PELI1: variants seen among roughly 807,000 people sequenced by gnomAD.
PELI1 encodes the protein pellino E3 ubiquitin protein ligase 1.
PELI1 carries 15 observed loss-of-function variants against 41.3 expected under a neutral mutation model. The ratio of observed to expected loss-of-function variants is 0.36; its 90% CI spans 0.24 to 0.56. The LOEUF is 0.56. PELI1 is among the 20% of genes least tolerant of loss of function. The pLI is 0.82. For synonymous variants in PELI1, 178 were observed against 180.1 expected, an observed-to-expected ratio of 0.99 and a Z score of 0.09; for missense variants, 403 against 525.5, an observed-to-expected ratio of 0.77 and a Z score of 2.28.
At chr2:64,116,963 T>C (rs1425820651) in intron 1 of PELI1, among the ~76,000 whole-genome samples, 1 of 152,216 alleles carries the variant, frequency 6.6e-6, no homozygotes, top group African/African-American at 2.4e-5. Context: ...ATCAGTGATC[T>C]TTGATGTTAC....
At chr2:64,099,624 T>C (rs1011558978) in intron 4 of PELI1, among the ~76,000 whole-genome samples, 3 of 152,214 alleles carry the variant, frequency 2.0e-5, no homozygotes, top group African/African-American at 7.2e-5. Flanking sequence ...TTTTCACTTT[T>C]ATTTGCCTTG....
At chr2:64,113,202 T>C (rs1340083739) in intron 1 of PELI1, among the ~76,000 whole-genome samples, 5 of 151,428 alleles carry the variant, frequency 3.3e-5, no homozygotes, top group Non-Finnish European at 7.4e-5. Context: ...CTCAGAAAGC[T>C]GAGGTGGGAG....
At chr2:64,143,819 T>G (rs1407356082) in intron 1 of PELI1, among the ~76,000 whole-genome samples, 1 of 151,286 alleles carries the variant, frequency 6.6e-6, no homozygotes, top group East Asian at 2.0e-4. Flanking sequence ...GGGCTCGGAG[T>G]TGGCCGCCGC....
At chr2:64,100,337 C>T in intron 4 of PELI1, 61 bp downstream of exon 4, 1 of 838,202 alleles carries the variant, frequency 1.2e-6, no homozygotes. Flanking sequence ...GCAAAAGTCA[C>T]CAACAATAGA....
chr2:64,094,992 T>C lies in PELI1; in HGVS notation c.967A>G (p.Lys323Glu), dbSNP rs138154902. The change falls in exon 7 of 7, where the codon AAA becomes GAA. Residue 323 changes from lysine (K) to glutamate (E), a missense_variant. Lys to Glu is a moderately conservative substitution (Grantham distance 56). Transcript: ENST00000358912. Reference protein sequence around the residue: ...HVHGYHNWGNKEERDGKDREC... With the variant: ...HVHGYHNWGNEEERDGKDREC... Reference sequence around the variant, plus strand: ...CGATCTTTTCCATCACGTTCTTCTTTGTTTCCCCAGTTATGATAGCCATGT... The same window carrying C: ...CGATCTTTTCCATCACGTTCTTCTTCGTTTCCCCAGTTATGATAGCCATGT... The C allele has an allele frequency of 6.2e-7, 1 of 1,614,166 alleles. No homozygotes were observed. Among genetic ancestry groups the C allele is most frequent in the Non-Finnish European group, 8.5e-7 (1 of 1,179,978 alleles).
At chr2:64,136,714 C>T (rs550950563) in intron 1 of PELI1, among the ~76,000 whole-genome samples, 12 of 152,124 alleles carry the variant, frequency 7.9e-5, no homozygotes, top group Non-Finnish European at 1.6e-4. Context: ...CCCATCCTTG[C>T]CAACATGGTG....
chr2:64,137,458 T>C (rs1681753381), intron 1 of PELI1, among the ~76,000 whole-genome samples: 1 of 152,146 alleles, frequency 6.6e-6, no homozygotes, highest in Non-Finnish European at 1.5e-5. Flanking sequence ...TGATACTTAG[T>C]ATTAAGAATT....
Position 64,096,614 on chromosome 2 carries a change from AGGG to A in PELI1, c.304-7_304-5del. The stretch of plus-strand genomic sequence containing the variant: ...GGCTTTCAGTCGACCGGCCAATCTG[AGGG>A]AAAAAAAAAAATACCTATAAACCCA... On this transcript the variant is annotated splice_polypyrimidine_tract_variant and splice_region_variant and intron_variant, in intron 4 of 6. Coordinates refer to ENST00000358912, the MANE Select transcript of PELI1 (RefSeq NM_020651.4). 6.3e-7 allele frequency: 1 copy of A among 1,595,316 alleles called. No homozygotes were observed. The highest frequency in any genetic ancestry group is 1.4e-5 in the African/African-American group (1 of 73,594).
Position 64,096,210 on chromosome 2 carries a change from T to C in PELI1, c.605A>G (p.Lys202Arg). 1.2e-6 allele frequency: 2 copies of C among 1,613,980 alleles called. No homozygotes were observed. The highest frequency in any genetic ancestry group is 1.1e-5 in the South Asian group (1 of 91,078). Residue 202 changes from lysine (K) to arginine (R), a missense_variant, in exon 6 of 7, where the codon AAG (lysine) becomes AGG (arginine). Lys to Arg is a conservative substitution (Grantham distance 26). Coordinates refer to ENST00000358912, the MANE Select transcript of PELI1 (RefSeq NM_020651.4). ...CGATATTTCTCTCCATATTCCAGGCTTGGAGTCTTCTGTGAACCCATTGCG... is the reference window on the plus strand; with the variant it reads ...CGATATTTCTCTCCATATTCCAGGCCTGGAGTCTTCTGTGAACCCATTGCG... The part of the protein sequence containing the change: ...HPRNGFTEDS[K>R]PGIWREISVC...
chr2:64,129,550 A>C (rs1290167971), intron 1 of PELI1, among the ~76,000 whole-genome samples: 2 of 152,170 alleles, frequency 1.3e-5, no homozygotes, highest in African/African-American at 2.4e-5. Context: ...CCTTTTCAAA[A>C]AGAGGACTTT....
intron 1 of PELI1, among the ~76,000 whole-genome samples, chr2:64,124,347 C>A (rs565244742): frequency 6.6e-6 from 1 of 151,990 alleles, no homozygotes; most frequent in African/African-American, 2.4e-5. Flanking sequence ...GCAAATAAAG[C>A]TCTAGCACAT....
intron 1 of PELI1, among the ~76,000 whole-genome samples, chr2:64,123,556 A>C (rs1450039943): frequency 2.0e-5 from 3 of 152,256 alleles, no homozygotes; most frequent in Admixed American, 2.0e-4. Flanking sequence ...GTACATAAAA[A>C]GATGCTCATT....
intron 1 of PELI1, among the ~76,000 whole-genome samples, chr2:64,142,482 GT>G (rs1681943793): frequency 6.6e-6 from 1 of 152,072 alleles, no homozygotes; most frequent in Non-Finnish European, 1.5e-5. Context: ...GTGATGCTTG[GT>G]TTAAATTTTT....
chr2:64,118,205 G>C (rs1274776553), intron 1 of PELI1, among the ~76,000 whole-genome samples: 3 of 151,968 alleles, frequency 2.0e-5, no homozygotes, highest in Non-Finnish European at 4.4e-5. Context: ...ATATACAGCT[G>C]GGATATTTCT....
intron 1 of PELI1, among the ~76,000 whole-genome samples, chr2:64,110,099 G>C (rs560213013): frequency 1.4e-4 from 22 of 152,096 alleles, no homozygotes; most frequent in African/African-American, 5.3e-4. Flanking sequence ...ACAAAAATTA[G>C]CCAGGCATGG....
At chr2:64,102,019 G>A (rs576914966) in intron 3 of PELI1, among the ~76,000 whole-genome samples, 1 of 152,088 alleles carries the variant, frequency 6.6e-6, no homozygotes, top group African/African-American at 2.4e-5. Flanking sequence ...TAGAGACGGG[G>A]TTTTGCCATG....
At chr2:64,107,958 G>A (rs1016102295) in intron 2 of PELI1, among the ~76,000 whole-genome samples, 1 of 152,178 alleles carries the variant, frequency 6.6e-6, no homozygotes, top group Non-Finnish European at 1.5e-5. Context: ...GATTACAGGC[G>A]TGAGCCACCA....
At position 64,121,837 on chromosome 2, in the gene PELI1, G is replaced by A. The variant is rs556938459; in HGVS notation, c.-69-13458C>T. Among the ~76,000 whole-genome samples, 9 of 151,758 alleles carry A rather than the reference G, an allele frequency of 5.9e-5. No individual in the cohort carries two copies. The South Asian group carries it at 6.2e-4, about 10-fold the overall frequency. The stretch of plus-strand genomic sequence containing the variant: ...GGAGAATAGCTTGAACCCGGGAGGC[G>A]GAGGTTGTGGTGAGCCGAGATCACG... On this transcript the variant is annotated intron_variant, in intron 1 of 6. Coordinates refer to ENST00000358912, the MANE Select transcript of PELI1 (RefSeq NM_020651.4).
chr2:64,122,710 T>A (rs77648713), intron 1 of PELI1, among the ~76,000 whole-genome samples: 2 of 152,202 alleles, frequency 1.3e-5, no homozygotes, highest in Non-Finnish European at 2.9e-5. Flanking sequence ...TACATTTGTA[T>A]TGAATATCGA....
Sources: gnomAD v4.1 joint callset for allele counts (sites outside exome capture counted in the v4.1 genomes callset) on GRCh38, gnomAD v4.1.1 for gene constraint, MANE v1.5 for transcripts, NCBI Gene and HGNC (gene_info 2026-07-23, HGNC 2026-07-21) for gene names.